The following KLF8 variants were observed in gnomAD, a reference collection of about 807,000 sequenced individuals.
KLF8 encodes the protein Krueppel-like factor 8.
KLF8 carries 10 observed loss-of-function variants against 18.2 expected under a neutral mutation model. The ratio of observed to expected loss-of-function variants is 0.55; its 90% confidence interval spans 0.34 to 0.93. The LOEUF (loss-of-function observed/expected upper bound fraction) is 0.93. Ranked by LOEUF, KLF8 falls within the 40% of genes least tolerant of loss-of-function variation. KLF8 has a pLI of 0.02. For missense variants in KLF8, 264 were observed against 277.9 expected (o/e 0.95, Z 0.36); for synonymous variants, 109 against 97.3 (o/e 1.12, Z -0.71).
At chrX:56,098,809 T>C in the KLF8 span, among the ~76,000 whole-genome samples, 1 of 111,580 alleles carries the variant, frequency 9.0e-6, no homozygotes, top group Non-Finnish European at 1.9e-5. Context: ...CTCTTGCAGA[T>C]GACATGATTT....
At chrX:56,185,690 A>G in the KLF8 span, among the ~76,000 whole-genome samples, 1 of 112,216 alleles carries the variant, frequency 8.9e-6, no homozygotes, top group Non-Finnish European at 1.9e-5. Context: ...CAGAAACTCT[A>G]CAAGCCAGAA....
At chrX:55,998,809 A>AGTTT in the KLF8 span, among the ~76,000 whole-genome samples, 3 of 89,756 alleles carry the variant, frequency 3.3e-5, no homozygotes, top group African/African-American at 1.2e-4. Flanking sequence ...TGGTCTTTTA[A>AGTTT]TTTTTTTTTT....
upstream of KLF8, among the ~76,000 whole-genome samples, chrX:56,229,081 T>C (rs1311572932): frequency 9.1e-6 from 1 of 110,479 alleles, no homozygotes; most frequent in Non-Finnish European, 1.9e-5. Context: ...TTTATTGTTG[T>C]TGTTCTACTG....
intron 5 of KLF8, among the ~76,000 whole-genome samples, chrX:56,278,210 TCAGCTGGAGTGTCTCCC>T (rs2067147289): frequency 8.9e-6 from 1 of 112,038 alleles, no homozygotes; most frequent in Non-Finnish European, 1.9e-5. Context: ...CCACCTTTCC[TCAGCTGGAGTGTCTCCC>T]CATAGCCATC....
At chrX:56,036,449 T>A in the KLF8 span, among the ~76,000 whole-genome samples, 1 of 111,993 alleles carries the variant, frequency 8.9e-6, no homozygotes, top group Admixed American at 9.5e-5. Flanking sequence ...CTTTCCCCAA[T>A]GAATGTTCTT....
At chrX:56,153,581 T>C in the KLF8 span, among the ~76,000 whole-genome samples, 1 of 111,175 alleles carries the variant, frequency 9.0e-6, no homozygotes, top group South Asian at 3.8e-4. Flanking sequence ...GTGCCAGTTT[T>C]CAATCAGGCA....
chrX:56,158,590 T>C, the KLF8 span, among the ~76,000 whole-genome samples: 4 of 111,851 alleles, frequency 3.6e-5, no homozygotes, highest in African/African-American at 1.3e-4. Flanking sequence ...TAGTTCTCCT[T>C]GAAGAGGTCC....
At chrX:55,932,098 A>T in the KLF8 span, among the ~76,000 whole-genome samples, 2 of 110,689 alleles carry the variant, frequency 1.8e-5, no homozygotes, top group African/African-American at 6.6e-5. Flanking sequence ...TTCTTGTTGC[A>T]TTGATCCCTT....
In KLF8 at chrX:56,265,594, G is replaced by C. The variant is rs747415809; in HGVS notation, c.496G>C (p.Val166Leu). ...ILHVIHTIPS[V>L]SLPNKMGGLK... Reference sequence around the variant, plus strand: ...ACATGTCATTCACACTATCCCCTCAGTCAGTCTGCCAAATAAGATGGGTGG... The same window carrying C: ...ACATGTCATTCACACTATCCCCTCACTCAGTCTGCCAAATAAGATGGGTGG... The change falls in exon 3 of 6, where the codon GTC becomes CTC. Residue 166 changes from valine (V) to leucine (L), a missense_variant. Physicochemically the swap from Val to Leu is conservative, Grantham distance 32 (BLOSUM62 1). Coordinates refer to ENST00000468660, the MANE Select transcript of KLF8 (RefSeq NM_007250.5). 8.3e-7 allele frequency: 1 copy of C among 1,211,807 alleles called. No individual in the cohort carries two copies. Among genetic ancestry groups the C allele is most frequent in the East Asian group, 3.0e-5 (1 of 33,845 alleles).
chrX:56,168,745 G>C, the KLF8 span, among the ~76,000 whole-genome samples: 1 of 108,103 alleles, frequency 9.3e-6, no homozygotes, highest in Non-Finnish European at 1.9e-5. Context: ...AGAACATGCA[G>C]TGTTTGGTTT....
chrX:56,090,293 C>A, the KLF8 span, among the ~76,000 whole-genome samples: 1 of 111,875 alleles, frequency 8.9e-6, no homozygotes, highest in Admixed American at 9.5e-5. Context: ...AACTGCTAGA[C>A]AGAAAACCAT....
At chrX:55,963,327 C>A in the KLF8 span, among the ~76,000 whole-genome samples, 1 of 111,696 alleles carries the variant, frequency 9.0e-6, no homozygotes, top group Non-Finnish European at 1.9e-5. Context: ...TTGTCTCTGC[C>A]CAGTTGGACC....
chrX:55,911,569 A>G, the KLF8 span, among the ~76,000 whole-genome samples: 3 of 111,584 alleles, frequency 2.7e-5, 1 homozygote, highest in Non-Finnish European at 5.6e-5. Context: ...GCTTCCCCCA[A>G]GTCCTTCCCA....
chrX:55,981,117 C>T, the KLF8 span, among the ~76,000 whole-genome samples: 90 of 111,847 alleles, frequency 8.0e-4, no homozygotes, highest in Admixed American at 1.2e-3. Flanking sequence ...GGCTTGAACC[C>T]GGGAGGCGGA....
At chrX:56,078,751 G>A in the KLF8 span, among the ~76,000 whole-genome samples, 1 of 111,374 alleles carries the variant, frequency 9.0e-6, no homozygotes, top group African/African-American at 3.3e-5. Context: ...GGTAGAATTC[G>A]GCTGTGAATC....
the KLF8 span, among the ~76,000 whole-genome samples, chrX:55,982,869 A>G: frequency 8.9e-6 from 1 of 112,275 alleles, no homozygotes; most frequent in Non-Finnish European, 1.9e-5. Flanking sequence ...ACAAATATAA[A>G]TGCTTACAGT....
the KLF8 span, among the ~76,000 whole-genome samples, chrX:56,108,708 C>A: frequency 9.0e-6 from 1 of 111,355 alleles, no homozygotes; most frequent in East Asian, 2.8e-4. Context: ...CTGTTCTGAT[C>A]TTAATTTTTC....
At chrX:56,109,051 C>A in the KLF8 span, among the ~76,000 whole-genome samples, 1 of 111,300 alleles carries the variant, frequency 9.0e-6, no homozygotes, top group Non-Finnish European at 1.9e-5. Context: ...CAGAGATAAT[C>A]CTTTGTGTGG....
chrX:56,007,307 G>T, the KLF8 span, among the ~76,000 whole-genome samples: 6 of 110,848 alleles, frequency 5.4e-5, no homozygotes, highest in African/African-American at 2.0e-4. Context: ...GGTGGGAGTC[G>T]TACTCTCAAA....
Sources: gnomAD v4.1 joint callset for allele counts (sites outside exome capture counted in the v4.1 genomes callset) on GRCh38, gnomAD v4.1.1 for gene constraint, MANE v1.5 for transcripts, NCBI Gene and HGNC (gene_info 2026-07-23, HGNC 2026-07-21) for gene names.